Variants in TOPAZ1 observed in about 807,000 individuals in gnomAD.
TOPAZ1 encodes the protein testis and ovary specific TOPAZ 1.
In TOPAZ1, 66 loss-of-function variants were observed where a neutral mutation model predicts 172.2. The observed-to-expected ratio is 0.38, with a 90% confidence interval of 0.31 to 0.47. The LOEUF (loss-of-function observed/expected upper bound fraction) is 0.47. Among genes scored for constraint, TOPAZ1 ranks in the 20% least tolerant of loss-of-function variants. The probability of loss-of-function intolerance (pLI) is 0.99; values close to 1 mark genes in which losing one functional copy is unlikely to be tolerated. For synonymous variants in TOPAZ1, 681 were observed against 683.9 expected (o/e 1.00, Z 0.07); for missense variants, 1,822 against 1,972.4 (o/e 0.92, Z 1.44).
At chr3:44,300,047 A>G (rs1251384886) in intron 12 of TOPAZ1, among the ~76,000 whole-genome samples, 1 of 148,868 alleles carries the variant, frequency 6.7e-6, no homozygotes, top group East Asian at 2.0e-4. Flanking sequence ...GCACATGTAT[A>G]CATATGTAAC....
chr3:44,269,815 A>G (rs1301003548), intron 7 of TOPAZ1, among the ~76,000 whole-genome samples: 2 of 151,970 alleles, frequency 1.3e-5, no homozygotes, highest in Non-Finnish European at 2.9e-5. Context: ...TATTTTTAGT[A>G]GAGATGGGGT....
chr3:44,321,931 C>CA (rs753515428), intron 17 of TOPAZ1, among the ~76,000 whole-genome samples: 5 of 152,090 alleles, frequency 3.3e-5, no homozygotes, highest in Non-Finnish European at 5.9e-5. Flanking sequence ...GGTAATGAAA[C>CA]AAAGTAGTAA....
chr3:44,297,887 G>T (rs887601357), intron 12 of TOPAZ1, among the ~76,000 whole-genome samples: 2 of 152,086 alleles, frequency 1.3e-5, no homozygotes, highest in Non-Finnish European at 2.9e-5. Context: ...ATTTACAATG[G>T]CTAAAAACAA....
chr3:44,258,024 T>C (rs1325913027), intron 4 of TOPAZ1, among the ~76,000 whole-genome samples: 1 of 152,224 alleles, frequency 6.6e-6, no homozygotes, highest in African/African-American at 2.4e-5. Context: ...TTTTTTTTCC[T>C]ATGTTGCTTT....
Position 44,287,483 on chromosome 3 carries a change from T to C in TOPAZ1, c.3531T>C (p.His1177=), listed in dbSNP as rs1399097553. The change falls in exon 10 of 20, where the codon CAT becomes CAC. Residue 1177 remains histidine (H), a synonymous_variant. Coordinates refer to ENST00000309765, the MANE Select transcript of TOPAZ1 (RefSeq NM_001145030.2). ...LNDLLNSLLK[H]CLLKEVFQIV... Reference sequence around the variant, plus strand: ...ACCTTCTAAATTCTTTACTCAAACATTGTTTGTTGAAAGAAGTATTTCAGA... The same window carrying C: ...ACCTTCTAAATTCTTTACTCAAACACTGTTTGTTGAAAGAAGTATTTCAGA... 3.3e-6 allele frequency: 5 copies of C among 1,529,642 alleles called. No individual in the cohort carries two copies. The highest frequency in any genetic ancestry group is 2.5e-5 in the East Asian group (1 of 39,892). 94.8% of individuals were successfully genotyped at this position (1,529,642 alleles called of 1,614,324 possible).
chr3:44,323,681 G>A (rs1002398844), intron 18 of TOPAZ1, among the ~76,000 whole-genome samples: 12 of 152,182 alleles, frequency 7.9e-5, no homozygotes, highest in Admixed American at 1.3e-4. Flanking sequence ...ATCCCTAATT[G>A]TTATAACTAA....
intron 12 of TOPAZ1, among the ~76,000 whole-genome samples, chr3:44,292,457 G>A (rs767216671): frequency 6.6e-6 from 1 of 152,148 alleles, no homozygotes; most frequent in Non-Finnish European, 1.5e-5. Flanking sequence ...ATGGCAGAGA[G>A]CTCACATGAC....
chr3:44,243,919 A>G lies in TOPAZ1; in HGVS notation c.1413A>G (p.Leu471=), dbSNP rs1481813701. Residue 471 remains leucine (L), a synonymous_variant, in exon 2 of 20, where the codon TTA becomes TTG. Transcript: ENST00000309765. ...AAAGGAGATCTTCACGGGAAGACTT[A>G]AGAAGTGCATCTGAAGAATTGAAGT... The part of the protein sequence containing the change: ...HIERRSSRED[L]RSASEELKLS... The G allele has an allele frequency of 6.4e-7, 1 of 1,552,316 alleles. No individual in the cohort carries two copies. The highest frequency in any genetic ancestry group is 1.2e-5 in the South Asian group (1 of 84,056).
At chr3:44,249,085 C>G (rs1307608099) in intron 2 of TOPAZ1, among the ~76,000 whole-genome samples, 2 of 152,110 alleles carry the variant, frequency 1.3e-5, no homozygotes, top group African/African-American at 4.8e-5. Context: ...TGGAAATGAT[C>G]TGAGGATTTC....
intron 8 of TOPAZ1, among the ~76,000 whole-genome samples, chr3:44,277,754 T>C (rs1183523113): frequency 6.6e-6 from 1 of 152,180 alleles, no homozygotes; most frequent in Non-Finnish European, 1.5e-5. Context: ...TGAGTTCTCA[T>C]GAGATCTGGT....
intron 11 of TOPAZ1, among the ~76,000 whole-genome samples, chr3:44,288,484 C>A (rs1450893090): frequency 1.3e-5 from 2 of 152,106 alleles, no homozygotes; most frequent in African/African-American, 2.4e-5. Context: ...GAGTTCAAGA[C>A]CAGCCTGACC....
intron 8 of TOPAZ1, among the ~76,000 whole-genome samples, chr3:44,274,673 G>A (rs1174906047): frequency 6.6e-6 from 1 of 151,396 alleles, no homozygotes; most frequent in African/African-American, 2.4e-5. Context: ...TCCTGCCTCA[G>A]CCTCCCAAGT....
chr3:44,323,368 A>C (rs1700562578), intron 18 of TOPAZ1, 73 bp downstream of exon 18: 1 of 907,022 alleles, frequency 1.1e-6, no homozygotes, highest in Non-Finnish European at 1.6e-6. Flanking sequence ...TATAATATAT[A>C]AGATTAGATA....
chr3:44,280,991 G>A (rs1700017216), intron 8 of TOPAZ1, among the ~76,000 whole-genome samples: 1 of 152,218 alleles, frequency 6.6e-6, no homozygotes, highest in Admixed American at 6.5e-5. Context: ...CTGGAGCAGT[G>A]CTTTTCCAGG....
chr3:44,269,433 C>G (rs918170220), intron 7 of TOPAZ1, 132 bp downstream of exon 7: 2 of 397,858 alleles, frequency 5.0e-6, no homozygotes, highest in Non-Finnish European at 9.5e-6. Context: ...ATTTTATAAA[C>G]CAATACTTTG....
chr3:44,330,583 C>G (rs1018014283), intron 19 of TOPAZ1, among the ~76,000 whole-genome samples: 1 of 152,208 alleles, frequency 6.6e-6, no homozygotes, highest in Non-Finnish European at 1.5e-5. Context: ...CCTGACCAGT[C>G]TTTCCTCTCT....
chr3:44,303,092 C>T (rs1700294267), intron 12 of TOPAZ1, among the ~76,000 whole-genome samples: 2 of 152,188 alleles, frequency 1.3e-5, no homozygotes, highest in Admixed American at 1.3e-4. Flanking sequence ...CTCGGCCTTC[C>T]AGAGTGCTGA....
rs1699483518 is a variant in TOPAZ1 at position 44,242,067 on chromosome 3, C to T, written c.14C>T (p.Pro5Leu). 2 of 1,545,318 alleles carry T rather than the reference C, an allele frequency of 1.3e-6. No homozygotes were observed. The highest frequency in any genetic ancestry group is 2.0e-5 in the Admixed American group (1 of 50,916). The change falls in exon 1 of 20, where the codon CCA becomes CTA. Residue 5 changes from proline (P) to leucine (L), a missense_variant. Physicochemically the swap from Pro to Leu is moderately conservative, Grantham distance 98 (BLOSUM62 -3). This residue lies in a region of TOPAZ1 where 1,489 missense variants were observed against 1,490.8 expected (regional missense o/e 1.00). Coordinates refer to ENST00000309765, the MANE Select transcript of TOPAZ1 (RefSeq NM_001145030.2). MRRP[P>L]PLGPTTASGP... ...GCCCCGGGGCACATGCGACGACCTC[C>T]ACCCCTGGGCCCCACGACGGCCTCA...
At chr3:44,303,270 A>C (rs1479345685) in intron 12 of TOPAZ1, among the ~76,000 whole-genome samples, 1 of 152,182 alleles carries the variant, frequency 6.6e-6, no homozygotes, top group African/African-American at 2.4e-5. Flanking sequence ...TGGTGAACTC[A>C]TAGTTAGGTA....
Sources: allele counts gnomAD v4.1 joint callset (sites outside exome capture counted in the v4.1 genomes callset), GRCh38; gene constraint gnomAD v4.1.1; regional missense constraint gnomAD v4.1.1; transcripts MANE v1.5; gene names NCBI Gene and HGNC (gene_info 2026-07-23, HGNC 2026-07-21).